The following ALOXE3 variants were observed in gnomAD, a reference collection of about 807,000 sequenced individuals.
The protein encoded by ALOXE3 is arachidonate epidermal lipoxygenase 3.
ALOXE3 carries 78 observed loss-of-function variants against 87.5 expected under a neutral mutation model. The observed-to-expected ratio is 0.89, with a 90% CI of 0.74 to 1.08. The LOEUF is 1.08. Among genes scored for constraint, ALOXE3 ranks in the 50% least tolerant of loss-of-function variants. The probability of loss-of-function intolerance (pLI) is 0.00; values close to 1 mark genes in which losing one functional copy is unlikely to be tolerated. For synonymous variants in ALOXE3, 363 were observed against 370.8 expected (o/e 0.98, Z 0.24); for missense variants, 946 against 912.4 (o/e 1.04, Z -0.47).
In ALOXE3 at chr17:8,096,726, C is replaced by T. The variant is rs200208061; in HGVS notation, c.2037G>A (p.Leu679=). 1 of 1,613,994 alleles carries T rather than the reference C, an allele frequency of 6.2e-7. No homozygotes were observed. Among genetic ancestry groups the T allele is most frequent in the Non-Finnish European group, 8.5e-7 (1 of 1,179,854 alleles). The stretch of plus-strand genomic sequence containing the variant: ...CCTGGATGTCCCTTGAGATCTGGGC[C>T]AGGCGGCTCTGGAAGGCGGCGATGC... ...RRSIAAFQSR[L]AQISRDIQER... The change falls in exon 16 of 16, where the codon CTG becomes CTA. Residue 679 remains leucine, a synonymous_variant. Coordinates refer to ENST00000448843, the MANE Select transcript of ALOXE3 (RefSeq NM_021628.3).
At position 8,118,074 on chromosome 17, in the gene ALOXE3, G is replaced by A; in HGVS notation, c.-84C>T. 1 of 1,571,712 alleles carries A rather than the reference G, an allele frequency of 6.4e-7. No individual in the cohort carries two copies. Among genetic ancestry groups the A allele is most frequent in the Non-Finnish European group, 8.6e-7 (1 of 1,160,162 alleles). On this transcript the variant is annotated 5_prime_UTR_variant, in exon 2 of 16. Coordinates refer to ENST00000448843, the MANE Select transcript of ALOXE3 (RefSeq NM_021628.3). ...GGAGAAGAGCGGCACGCCGGACAGGGCTGGGTTTCTGGGCGGAGGGCTAGG... is the reference window on the plus strand; with the variant it reads ...GGAGAAGAGCGGCACGCCGGACAGGACTGGGTTTCTGGGCGGAGGGCTAGG...
At chr17:8,101,070 C>T (rs1483685144) in intron 15 of ALOXE3, among the ~76,000 whole-genome samples, 1 of 151,000 alleles carries the variant, frequency 6.6e-6, no homozygotes, top group African/African-American at 2.4e-5. Flanking sequence ...TCTTGTTGCC[C>T]AGGCTGGAGT....
At chr17:8,113,159 T>A (rs1442860784) in intron 6 of ALOXE3, among the ~76,000 whole-genome samples, 3 of 152,174 alleles carry the variant, frequency 2.0e-5, no homozygotes, top group African/African-American at 7.2e-5. Flanking sequence ...TTGCCTGAAC[T>A]CCTCCTTGCA....
At chr17:8,114,715 T>C in intron 5 of ALOXE3, 106 bp from the exon 6 acceptor site, 4 of 1,546,550 alleles carry the variant, frequency 2.6e-6, no homozygotes, top group Non-Finnish European at 3.5e-6. Context: ...GGGTCTCTCT[T>C]ACTCCCGGCT....
chr17:8,118,829 C>T, upstream of ALOXE3: 1 of 1,536,152 alleles, frequency 6.5e-7, no homozygotes, highest in Admixed American at 2.0e-5. Flanking sequence ...GGCGGGAGCC[C>T]AGGTGTCCGG....
chr17:8,118,657 G>T (rs1194337116), upstream of ALOXE3: 2 of 1,537,190 alleles, frequency 1.3e-6, no homozygotes, highest in Non-Finnish European at 1.7e-6. Flanking sequence ...ATCCCCCCAC[G>T]CATGGCCCTC....
chr17:8,110,015 C>A lies in ALOXE3; in HGVS notation c.1306-13G>T, dbSNP rs1400007870. Reference sequence around the variant, plus strand: ...GGGGGAGTAGGAGCTGCGAGCGGAGCGGATCACGTGAGCTGAAGGCCGGGG... The same window carrying A: ...GGGGGAGTAGGAGCTGCGAGCGGAGAGGATCACGTGAGCTGAAGGCCGGGG... On this transcript the variant is annotated splice_polypyrimidine_tract_variant and intron_variant, in intron 10 of 15. Coordinates refer to ENST00000448843, the MANE Select transcript of ALOXE3 (RefSeq NM_021628.3). 3.2e-6 allele frequency: 5 copies of A among 1,561,478 alleles called. No homozygotes were observed. The highest frequency in any genetic ancestry group is 1.2e-5 in the South Asian group (1 of 85,224).
At chr17:8,118,827 C>A (rs1158015668), upstream of ALOXE3, 1 of 1,536,086 alleles carries the variant, frequency 6.5e-7, no homozygotes, top group Non-Finnish European at 8.7e-7. Context: ...TGGGCGGGAG[C>A]CCAGGTGTCC....
intron 3 of ALOXE3, among the ~76,000 whole-genome samples, chr17:8,116,029 C>T (rs1980559576): frequency 6.6e-6 from 1 of 152,240 alleles, no homozygotes; most frequent in Non-Finnish European, 1.5e-5. Flanking sequence ...GTATAAGATG[C>T]ACTTTAAATG....
chr17:8,114,910 C>T (rs781560139), intron 5 of ALOXE3, 28 bp downstream of exon 5: 26 of 1,613,726 alleles, frequency 1.6e-5, no homozygotes, highest in Middle Eastern at 1.6e-4. Context: ...GACTTCCTTT[C>T]CCCTCCTTCC....
chr17:8,107,118 G>A (rs1265740892), intron 13 of ALOXE3, among the ~76,000 whole-genome samples: 1 of 152,174 alleles, frequency 6.6e-6, no homozygotes, highest in Non-Finnish European at 1.5e-5. Context: ...GTAGGAAACA[G>A]ACACCCCAAA....
chr17:8,104,505 G>C (rs1979148152), intron 13 of ALOXE3, among the ~76,000 whole-genome samples: 1 of 152,190 alleles, frequency 6.6e-6, no homozygotes, highest in Admixed American at 6.5e-5. Context: ...TGACTTCCAA[G>C]GCACTTCAAT....
rs961926053 is a variant in ALOXE3, at chr17:8,111,213, T to C, written c.957+146A>G. On this transcript the variant is annotated intron_variant, in intron 8 of 15. Transcript: ENST00000448843. ...ATCCGTATCTGCTCTACTTAAAGTG[T>C]GCAGGACCATGGCTGCCCAGAGGAT... The C allele has an allele frequency of 8.9e-6, 9 of 1,008,446 alleles. No individual in the cohort carries two copies. In the African/African-American group the frequency reaches 1.4e-4, roughly 16 times the overall value. 62.5% of individuals were successfully genotyped at this position (1,008,446 alleles called of 1,614,324 possible). A position where few individuals can be genotyped will look rare whatever the true frequency, so the allele number is the denominator to read the frequency against.
At position 8,116,787 on chromosome 17, in the gene ALOXE3, C is replaced by T. The variant is rs779528949; in HGVS notation, c.341G>A (p.Arg114Lys). ...WIEGYCTVELRPGTARTICQD... is the reference protein window; with the variant it reads ...WIEGYCTVELKPGTARTICQD... ...CGTCTCTGGCCCACCTGTTCCTGGC[C>T]TCAGCTCCACGGTGCAGTAGCCTTC... Residue 114 changes from arginine to lysine, a missense_variant, in exon 3 of 16, where the codon AGG becomes AAG. Coordinates refer to ENST00000448843, the MANE Select transcript of ALOXE3 (RefSeq NM_021628.3). 1.9e-6 allele frequency: 3 copies of T among 1,614,092 alleles called. No homozygotes were observed. Among genetic ancestry groups the T allele is most frequent in the African/African-American group, 2.7e-5 (2 of 74,922 alleles).
At chr17:8,117,062 C>T (rs1330063580) in intron 2 of ALOXE3, 82 bp from the exon 3 acceptor site, 8 of 1,288,008 alleles carry the variant, frequency 6.2e-6, no homozygotes, top group South Asian at 3.8e-5. Context: ...GCATCTACAC[C>T]TAAGCCTATT....
chr17:8,118,559 G>T, upstream of ALOXE3: 3 of 1,527,160 alleles, frequency 2.0e-6, no homozygotes, highest in Non-Finnish European at 2.6e-6. Flanking sequence ...TAAATCACAC[G>T]TGACTGCAGC....
chr17:8,104,682 A>T (rs1979160299), intron 13 of ALOXE3, among the ~76,000 whole-genome samples: 1 of 152,200 alleles, frequency 6.6e-6, no homozygotes, highest in Non-Finnish European at 1.5e-5. Context: ...AGCTTCTAAG[A>T]CCAGAGCTTG....
chr17:8,112,297 C>T, intron 6 of ALOXE3, 101 bp from the exon 7 acceptor site: 1 of 878,534 alleles, frequency 1.1e-6, no homozygotes, highest in Admixed American at 1.8e-5. Context: ...GGTCCATCCC[C>T]AGAGTAGAGA....
intron 13 of ALOXE3, 95 bp from the exon 14 acceptor site, chr17:8,104,310 G>C: frequency 1.1e-6 from 1 of 904,080 alleles, no homozygotes; most frequent in East Asian, 2.6e-5. Context: ...GGGAAAGTGA[G>C]GAAGTAGGGA....
Sources: gnomAD v4.1 joint callset for allele counts (sites outside exome capture counted in the v4.1 genomes callset) on GRCh38, gnomAD v4.1.1 for gene constraint, MANE v1.5 for transcripts, NCBI Gene and HGNC (gene_info 2026-07-23, HGNC 2026-07-21) for gene names.